CELSR1: variants seen among roughly 807,000 people sequenced by gnomAD.
CELSR1 encodes cadherin EGF LAG seven-pass G-type receptor 1, also known as adhesion G protein-coupled receptor C1.
In CELSR1, 110 loss-of-function variants were observed where a neutral mutation model predicts 249.1. The ratio of observed to expected loss-of-function variants is 0.44; its 90% CI spans 0.38 to 0.52. The LOEUF is 0.52. Among genes scored for constraint, CELSR1 ranks in the 20% least tolerant of loss-of-function variants. CELSR1 has a pLI of 0.00. For synonymous variants in CELSR1, 2,113 were observed against 1,900.0 expected, an observed-to-expected ratio of 1.11 and a Z score of -2.92; for missense variants, 4,109 against 4,296.4, an observed-to-expected ratio of 0.96 and a Z score of 1.22.
chr22:46,488,344 T>A lies in CELSR1; in HGVS notation c.3545-23999A>T, dbSNP rs2080335622. ...TGGTCTTGGGGGATGAGAGTCCCAC[T>A]AAGGAGCTGAGCCCTTCCTGCTCCT... On this transcript the variant is annotated intron_variant, in intron 1 of 34. Transcript: ENST00000674500. This position sits in a 1 kb window ranked among gnomAD's most constrained non-coding sequence, Gnocchi z 4.7. Among the ~76,000 whole-genome samples, 1 of 152,046 alleles carries A rather than the reference T, an allele frequency of 6.6e-6. No individual in the cohort carries two copies. Among genetic ancestry groups the A allele is most frequent in the South Asian group, 2.1e-4 (1 of 4,838 alleles).
At chr22:46,444,953 C>A (rs1230192657) in intron 2 of CELSR1, among the ~76,000 whole-genome samples, 1 of 152,218 alleles carries the variant, frequency 6.6e-6, no homozygotes, top group Non-Finnish European at 1.5e-5. Context: ...TGCCTGTAAT[C>A]CCAGCACTTT....
Position 46,391,429 on chromosome 22 carries a change from T to A in CELSR1, c.6149-142A>T. 1 of 893,578 alleles carries A rather than the reference T, an allele frequency of 1.1e-6. No homozygotes were observed. Among genetic ancestry groups the A allele is most frequent in the South Asian group, 1.7e-5 (1 of 59,268 alleles). The allele number at this position is 893,578 out of a possible 1,614,324, so 55.4% of individuals were successfully genotyped here. A position where few individuals can be genotyped will look rare whatever the true frequency, so the allele number is the denominator to read the frequency against. The stretch of plus-strand genomic sequence containing the variant: ...AACCCTAGCATCTCCCCTGCCCCCA[T>A]CCATGTCAGAGCTGGAGAGGGGTGA... On this transcript the variant is annotated intron_variant, in intron 15 of 34. Coordinates refer to ENST00000674500, the MANE Select transcript of CELSR1 (RefSeq NM_001378328.1). The surrounding 1 kb of genome is among the most constrained non-coding windows in gnomAD (Gnocchi z 4.3).
intron 1 of CELSR1, among the ~76,000 whole-genome samples, chr22:46,475,066 T>C (rs1236965461): frequency 6.6e-6 from 1 of 152,110 alleles, no homozygotes. Flanking sequence ...TCTTGCCGCA[T>C]TATTCTGTTT....
At position 46,399,744 on chromosome 22, in the gene CELSR1, G is replaced by C; in HGVS notation, c.5385C>G (p.Thr1795=). The change falls in exon 10 of 35, where the codon ACC becomes ACG. Residue 1795 remains threonine (T), a synonymous_variant. Coordinates refer to ENST00000674500, the MANE Select transcript of CELSR1 (RefSeq NM_001378328.1). The surrounding 1 kb of genome is among the most constrained non-coding windows in gnomAD (Gnocchi z 5.0). The part of the protein sequence containing the change: ...KEDSEMKHLV[T]MTLDYGMDQN... ...GGTCCATCCCATAGTCCAAGGTCAT[G>C]GTGACCAGGTGCTTCATCTCACTGT... is the stretch of plus-strand genomic sequence containing the variant. 1.2e-6 allele frequency: 2 copies of C among 1,614,022 alleles called. No individual in the cohort carries two copies. The highest frequency in any genetic ancestry group is 1.1e-5 in the South Asian group (1 of 91,056).
chr22:46,491,319 A>G (rs1026229920), intron 1 of CELSR1, among the ~76,000 whole-genome samples: 10 of 144,428 alleles, frequency 6.9e-5, no homozygotes, highest in African/African-American at 2.6e-4. Flanking sequence ...GCTGGAATGC[A>G]GTGGTGCAAT....
intron 2 of CELSR1, among the ~76,000 whole-genome samples, chr22:46,442,433 G>A (rs1440250495): frequency 6.6e-6 from 1 of 152,230 alleles, no homozygotes; most frequent in African/African-American, 2.4e-5. Flanking sequence ...TGGGGTGGCT[G>A]AGGCCTTGTA....
chr22:46,516,158 G>A (rs886623471), intron 1 of CELSR1, among the ~76,000 whole-genome samples: 27 of 152,248 alleles, frequency 1.8e-4, no homozygotes, highest in African/African-American at 4.3e-4. Context: ...ACATGCACAC[G>A]TATGTTTATT....
At chr22:46,461,987 G>A (rs1384372893) in intron 2 of CELSR1, among the ~76,000 whole-genome samples, 1 of 152,212 alleles carries the variant, frequency 6.6e-6, no homozygotes. Context: ...CACAGAACAG[G>A]AATCCACTGA....
chr22:46,461,538 C>T (rs776076751), intron 2 of CELSR1, among the ~76,000 whole-genome samples: 13 of 152,308 alleles, frequency 8.5e-5, no homozygotes, highest in Non-Finnish European at 1.3e-4. Context: ...CTCAAAGCCA[C>T]GTTAGACGTT....
At chr22:46,469,147 CT>C (rs2080128173) in intron 1 of CELSR1, among the ~76,000 whole-genome samples, 1 of 152,172 alleles carries the variant, frequency 6.6e-6, no homozygotes, top group Admixed American at 6.6e-5. Context: ...CTGAACACCC[CT>C]GGGGTCTGCC....
chr22:46,414,107 G>A (rs1013517187), intron 5 of CELSR1, among the ~76,000 whole-genome samples: 4 of 152,184 alleles, frequency 2.6e-5, no homozygotes, highest in African/African-American at 7.2e-5. Flanking sequence ...TGCAATCCAC[G>A]CTTGTTTTTC....
intron 1 of CELSR1, among the ~76,000 whole-genome samples, chr22:46,513,832 C>G (rs1440511127): frequency 6.6e-6 from 1 of 152,122 alleles, no homozygotes; most frequent in Admixed American, 6.6e-5. Context: ...TGCTCTGTCG[C>G]CCAGGCTGGA....
At chr22:46,510,560 G>A (rs531620107) in intron 1 of CELSR1, among the ~76,000 whole-genome samples, 4 of 152,342 alleles carry the variant, frequency 2.6e-5, no homozygotes, top group African/African-American at 7.2e-5. Flanking sequence ...TGCGGTAAAC[G>A]CTGGGGGGAC....
intron 5 of CELSR1, among the ~76,000 whole-genome samples, chr22:46,415,940 G>A (rs893035586): frequency 4.6e-5 from 7 of 152,212 alleles, no homozygotes; most frequent in Non-Finnish European, 7.3e-5. Flanking sequence ...GTGCGTCTCC[G>A]CTGAAAGGCC....
At position 46,447,003 on chromosome 22, in the gene CELSR1, T is replaced by G. The variant is rs2147502567; in HGVS notation, c.4184-7592A>C. Among the ~76,000 whole-genome samples, 1 of 152,104 alleles carries G rather than the reference T, an allele frequency of 6.6e-6. No individual in the cohort carries two copies. The highest frequency in any genetic ancestry group is 1.9e-4 in the East Asian group (1 of 5,138). On this transcript the variant is annotated intron_variant, in intron 2 of 34. Transcript: ENST00000674500. This position sits in a 1 kb window ranked among gnomAD's most constrained non-coding sequence, Gnocchi z 4.7. ...CACAGCCCTGCACAGAAGATAAAGT[T>G]AAGCAAAGCGGGAGTGGATTACAGT...
chr22:46,520,788 T>C (rs973980815), intron 1 of CELSR1, among the ~76,000 whole-genome samples: 11 of 152,132 alleles, frequency 7.2e-5, no homozygotes, highest in Non-Finnish European at 1.3e-4. Context: ...TTTAGGGGCA[T>C]GAAGTACCTT....
rs1465143027 is a variant in CELSR1 at position 46,527,688 on chromosome 22, G to A, written c.3544+5939C>T. On this transcript the variant is annotated intron_variant, in intron 1 of 34. Coordinates refer to ENST00000674500, the MANE Select transcript of CELSR1 (RefSeq NM_001378328.1). This position sits in a 1 kb window ranked among gnomAD's most constrained non-coding sequence, Gnocchi z 5.5. ...TTTCTCAAGGTATGAGCAAGCCACTGTCTCCAGACTTATCAGAGCTCTGAA... is the reference window on the plus strand; with the variant it reads ...TTTCTCAAGGTATGAGCAAGCCACTATCTCCAGACTTATCAGAGCTCTGAA... Among the ~76,000 whole-genome samples, 1 of 152,208 alleles carries A rather than the reference G, an allele frequency of 6.6e-6. No individual in the cohort carries two copies. Among genetic ancestry groups the A allele is most frequent in the Non-Finnish European group, 1.5e-5 (1 of 68,034 alleles).
chr22:46,396,799 C>A lies in CELSR1; in HGVS notation c.5702-53G>T. On this transcript the variant is annotated intron_variant, in intron 12 of 34. Coordinates refer to ENST00000674500, the MANE Select transcript of CELSR1 (RefSeq NM_001378328.1). This position sits in a 1 kb window ranked among gnomAD's most constrained non-coding sequence, Gnocchi z 6.4. ...CACCCACAATCCACGAGACCTTCCA[C>A]GTTAAAATATCTGGAGCAACCTGTC... 1 of 1,586,314 alleles carries A rather than the reference C, an allele frequency of 6.3e-7. No individual in the cohort carries two copies. Among genetic ancestry groups the A allele is most frequent in the Non-Finnish European group, 8.6e-7 (1 of 1,166,400 alleles).
At chr22:46,384,439 C>T in intron 20 of CELSR1, 104 bp downstream of exon 20, 1 of 1,355,790 alleles carries the variant, frequency 7.4e-7, no homozygotes. Context: ...AACACTCTGG[C>T]CCAGATCTTC....
Sources: allele counts gnomAD v4.1 joint callset (sites outside exome capture counted in the v4.1 genomes callset), GRCh38; gene constraint gnomAD v4.1.1; non-coding constraint Gnocchi (gnomAD v3.1); transcripts MANE v1.5; gene names NCBI Gene and HGNC (gene_info 2026-07-23, HGNC 2026-07-21).